FCHO2: variants seen among roughly 807,000 people sequenced by gnomAD.
FCHO2 encodes the protein FCH and mu domain containing endocytic adaptor 2.
Under a neutral mutation model 114.1 loss-of-function variants are expected in FCHO2, and 43 were observed. The observed-to-expected ratio is 0.38, with a 90% CI of 0.30 to 0.49. The LOEUF (loss-of-function observed/expected upper bound fraction) is 0.49. FCHO2 is among the 20% of genes least tolerant of loss of function. The pLI is 0.97. For missense variants in FCHO2, 807 were observed against 950.4 expected (o/e 0.85, Z 1.98); for synonymous variants, 293 against 315.2 (o/e 0.93, Z 0.75).
At position 73,057,376 on chromosome 5, in the gene FCHO2, GT is replaced by G. The variant is rs1290450140; in HGVS notation, c.1254-1052del. Reference sequence around the variant, plus strand: ...ATAAGTTGTTGAGTGTTTTAAAACTGTTTTTAGGAGTCATACAGTTGCAATG... The same window carrying G: ...ATAAGTTGTTGAGTGTTTTAAAACTGTTTTAGGAGTCATACAGTTGCAATG... On this transcript the variant is annotated intron_variant, in intron 16 of 25. Coordinates refer to ENST00000430046, the MANE Select transcript of FCHO2 (RefSeq NM_138782.3). 3.3e-5 allele frequency among the ~76,000 whole-genome samples: 5 copies of G among 152,094 alleles called. No homozygotes were observed. In the South Asian group the frequency reaches 1.0e-3, roughly 31 times the overall value.
At chr5:72,983,511 G>A (rs1046723675) in intron 2 of FCHO2, among the ~76,000 whole-genome samples, 1 of 148,486 alleles carries the variant, frequency 6.7e-6, no homozygotes, top group Non-Finnish European at 1.5e-5. Context: ...CTATACATAT[G>A]TGGCACCATG....
intron 11 of FCHO2, among the ~76,000 whole-genome samples, chr5:73,043,941 T>C (rs1756932046): frequency 6.6e-6 from 1 of 152,148 alleles, no homozygotes; most frequent in African/African-American, 2.4e-5. Flanking sequence ...TGTTGTCAAA[T>C]TGTAATCCCC....
At chr5:73,039,069 T>A (rs1477525313) in intron 10 of FCHO2, among the ~76,000 whole-genome samples, 2 of 152,238 alleles carry the variant, frequency 1.3e-5, no homozygotes, top group African/African-American at 4.8e-5. Context: ...GTTTTTTGTT[T>A]TTGTTTTTTA....
chr5:72,969,220 AG>A (rs1752376562), intron 2 of FCHO2, among the ~76,000 whole-genome samples: 1 of 152,206 alleles, frequency 6.6e-6, no homozygotes, highest in South Asian at 2.1e-4. Flanking sequence ...TTGATAATAT[AG>A]GGATACTTTG....
At chr5:73,069,738 G>A (rs1271468035) in intron 19 of FCHO2, among the ~76,000 whole-genome samples, 2 of 152,112 alleles carry the variant, frequency 1.3e-5, no homozygotes, top group Non-Finnish European at 2.9e-5. Context: ...ATAGCTATAT[G>A]AACCTAAACC....
intron 8 of FCHO2, among the ~76,000 whole-genome samples, chr5:73,024,051 TTTTTC>T (rs1755781420): frequency 6.6e-6 from 1 of 152,130 alleles, no homozygotes; most frequent in African/African-American, 2.4e-5. Flanking sequence ...TCATGTTTCT[TTTTTC>T]TTTTCTTTTC....
At chr5:73,039,579 T>G (rs889448105) in intron 10 of FCHO2, among the ~76,000 whole-genome samples, 28 of 152,308 alleles carry the variant, frequency 1.8e-4, no homozygotes, top group Admixed American at 1.8e-3. Flanking sequence ...CATCTACCAG[T>G]AAGGAAGCTG....
intron 16 of FCHO2, among the ~76,000 whole-genome samples, chr5:73,056,617 A>G (rs186806922): frequency 2.7e-4 from 41 of 152,236 alleles, no homozygotes; most frequent in Admixed American, 7.9e-4. Context: ...GCTTGGTAAT[A>G]TGTCCTTTTA....
At chr5:73,083,339 T>C (rs1392650814) in intron 24 of FCHO2, among the ~76,000 whole-genome samples, 3 of 152,232 alleles carry the variant, frequency 2.0e-5, no homozygotes, top group Admixed American at 6.5e-5. Flanking sequence ...AGAACACATT[T>C]GTTCATCTAG....
intron 18 of FCHO2, among the ~76,000 whole-genome samples, chr5:73,066,972 A>G (rs1015958269): frequency 1.3e-5 from 2 of 152,078 alleles, no homozygotes; most frequent in South Asian, 2.1e-4. Context: ...TAGAAAAACA[A>G]TGGAATTCAT....
intron 15 of FCHO2, among the ~76,000 whole-genome samples, chr5:73,055,789 T>C (rs997116645): frequency 6.6e-6 from 1 of 152,172 alleles, no homozygotes; most frequent in Non-Finnish European, 1.5e-5. Context: ...CAACCCATAG[T>C]TTCTCTTTTC....
Position 72,956,208 on chromosome 5 carries a change from G to A in FCHO2, c.33+79G>A. The A allele has an allele frequency of 2.8e-6, 4 of 1,426,800 alleles. No homozygotes were observed. In the Admixed American group the frequency reaches 9.7e-5, roughly 35 times the overall value. 88.4% of individuals were successfully genotyped at this position (1,426,800 alleles called of 1,614,324 possible). ...CTGAGCTTGGCCTGCGTGCGCTTCGGGCGGCGGCGGCGGCCCCTCCGGCAG... is the reference window on the plus strand; with the variant it reads ...CTGAGCTTGGCCTGCGTGCGCTTCGAGCGGCGGCGGCGGCCCCTCCGGCAG... On this transcript the variant is annotated intron_variant, in intron 1 of 25. Coordinates refer to ENST00000430046, the MANE Select transcript of FCHO2 (RefSeq NM_138782.3).
chr5:73,077,233 TGCGTGTGTGTGTGCGCACGTGCAC>T, intron 20 of FCHO2, 81 bp from the exon 21 acceptor site: 3 of 892,638 alleles, frequency 3.4e-6, no homozygotes, highest in Non-Finnish European at 5.0e-6. Flanking sequence ...CACATATAGG[TGCGTGTGTGTGTGCGCACGTGCAC>T]GCGTGTGCCT....
At chr5:72,972,842 C>G (rs531138476) in intron 2 of FCHO2, among the ~76,000 whole-genome samples, 1 of 152,226 alleles carries the variant, frequency 6.6e-6, no homozygotes, top group Admixed American at 6.5e-5. Flanking sequence ...GTGGGTTTGT[C>G]ATAGATAGCT....
chr5:73,020,099 A>G (rs1166196756), intron 8 of FCHO2, among the ~76,000 whole-genome samples: 2 of 152,168 alleles, frequency 1.3e-5, no homozygotes, highest in East Asian at 3.9e-4. Context: ...CCAGAGGCCC[A>G]TTTAATAATG....
intron 24 of FCHO2, among the ~76,000 whole-genome samples, chr5:73,085,805 T>C (rs909006793): frequency 4.9e-5 from 7 of 141,916 alleles, no homozygotes; most frequent in African/African-American, 1.9e-4. Context: ...AATAAATAAA[T>C]AAATAAATAA....
At position 72,981,295 on chromosome 5, in the gene FCHO2, G is replaced by GT. The variant is rs369189716; in HGVS notation, c.126-8129dup. Reference sequence around the variant, plus strand: ...CCCCCACTGTCTTCTGGCTTGTAGGGTTTCTGCAGAGATATCCACTGTTAG... The same window carrying GT: ...CCCCCACTGTCTTCTGGCTTGTAGGGTTTTCTGCAGAGATATCCACTGTTAG... On this transcript the variant is annotated intron_variant, in intron 2 of 25. Transcript: ENST00000430046. Among the ~76,000 whole-genome samples the GT allele has an allele frequency of 5.2e-3, 793 of 152,302 alleles. 6 individuals carry two copies. The highest frequency in any genetic ancestry group is 0.018 in the African/African-American group (749 of 41,570).
intron 8 of FCHO2, among the ~76,000 whole-genome samples, chr5:73,026,619 T>C (rs1580126605): frequency 1.3e-5 from 2 of 152,186 alleles, no homozygotes; most frequent in East Asian, 3.8e-4. Flanking sequence ...CATTACAAAT[T>C]TTTTTCTAAC....
At chr5:73,011,666 T>A (rs1472250628) in intron 6 of FCHO2, among the ~76,000 whole-genome samples, 1 of 152,140 alleles carries the variant, frequency 6.6e-6, no homozygotes, top group African/African-American at 2.4e-5. Flanking sequence ...ATCCCAGCAC[T>A]TTGGGAGGGC....
Sources: gnomAD v4.1 joint callset for allele counts (sites outside exome capture counted in the v4.1 genomes callset) on GRCh38, gnomAD v4.1.1 for gene constraint, MANE v1.5 for transcripts, NCBI Gene and HGNC (gene_info 2026-07-23, HGNC 2026-07-21) for gene names.